SENP7: variants seen among roughly 807,000 people sequenced by gnomAD.
SENP7 encodes the protein SUMO specific peptidase 7.
Under a neutral mutation model 141.2 loss-of-function variants are expected in SENP7, and 64 were observed. The ratio of observed to expected loss-of-function variants is 0.45; its 90% CI spans 0.37 to 0.56. The LOEUF (loss-of-function observed/expected upper bound fraction) is 0.56, where lower values mean the gene tolerates loss of function less well. SENP7 is among the 20% of genes least tolerant of loss of function. SENP7 has a pLI of 0.00. For synonymous variants in SENP7, 382 were observed against 426.4 expected (o/e 0.90, Z 1.28); for missense variants, 1,025 against 1,212.2 (o/e 0.85, Z 2.29).
chr3:101,330,849 T>C (rs1383187628), intron 19 of SENP7, among the ~76,000 whole-genome samples: 1 of 152,230 alleles, frequency 6.6e-6, no homozygotes, highest in East Asian at 1.9e-4. Context: ...CCAGTATTAA[T>C]GCTAATGGCT....
intron 11 of SENP7, chr3:101,358,631 CT>C (rs1330585585): frequency 8.4e-5 from 14 of 165,914 alleles, no homozygotes; most frequent in East Asian, 3.6e-4. Context: ...ATTCTCAATT[CT>C]TTTTTTTTCT....
At chr3:101,337,979 C>A (rs1051860777) in intron 16 of SENP7, among the ~76,000 whole-genome samples, 3 of 151,870 alleles carry the variant, frequency 2.0e-5, no homozygotes, top group Non-Finnish European at 4.4e-5. Flanking sequence ...ATGGTGAAAC[C>A]CCGTCTCTAC....
chr3:101,408,631 C>T (rs899797251), intron 5 of SENP7, among the ~76,000 whole-genome samples: 2 of 152,088 alleles, frequency 1.3e-5, no homozygotes, highest in African/African-American at 2.4e-5. Flanking sequence ...GTTTAACATA[C>T]GTAAGTCAAT....
chr3:101,431,559 A>T (rs545906361), intron 4 of SENP7, among the ~76,000 whole-genome samples: 1 of 126,700 alleles, frequency 7.9e-6, no homozygotes. Context: ...AGATCTTCCT[A>T]CATCACTTGA....
intron 20 of SENP7, among the ~76,000 whole-genome samples, chr3:101,329,027 G>A (rs971991389): frequency 6.6e-6 from 1 of 152,096 alleles, no homozygotes; most frequent in African/African-American, 2.4e-5. Context: ...AATTTATGAT[G>A]TCAGTAGAGA....
At chr3:101,350,428 T>C (rs1307019889) in intron 12 of SENP7, among the ~76,000 whole-genome samples, 2 of 152,270 alleles carry the variant, frequency 1.3e-5, no homozygotes, top group East Asian at 3.9e-4. Flanking sequence ...TTTATATGCA[T>C]GCTTTGTTTT....
intron 4 of SENP7, among the ~76,000 whole-genome samples, chr3:101,418,651 T>A (rs2061693662): frequency 6.7e-6 from 1 of 150,360 alleles, no homozygotes; most frequent in South Asian, 2.1e-4. Flanking sequence ...CAGCAATATG[T>A]TCACATATTT....
intron 3 of SENP7, among the ~76,000 whole-genome samples, chr3:101,487,238 T>C (rs902508116): frequency 6.6e-6 from 1 of 152,104 alleles, no homozygotes; most frequent in Non-Finnish European, 1.5e-5. Flanking sequence ...AAAGACACAA[T>C]GGATTTAAAC....
Position 101,500,080 on chromosome 3 carries a change from T to C in SENP7, c.90+990A>G, listed in dbSNP as rs140088973. Among the ~76,000 whole-genome samples, 405 of 152,314 alleles carry C rather than the reference T, an allele frequency of 2.7e-3. 7 individuals carry two copies. Among genetic ancestry groups the C allele is most frequent in the Admixed American group, 0.024 (367 of 15,294 alleles). ...CTAAGGTACTCTTGATTTCCTCTCA[T>C]TGTCTTCCTTTATGACTTCTTCTCC... On this transcript the variant is annotated intron_variant, in intron 2 of 23. Transcript: ENST00000394095.
In SENP7 at chr3:101,325,911, GAGA is replaced by G. The variant is rs2058887353; in HGVS notation, c.*29_*31del. On this transcript the variant is annotated 3_prime_UTR_variant, in exon 24 of 24. Coordinates refer to ENST00000394095, the MANE Select transcript of SENP7 (RefSeq NM_020654.5). ...GGTAAGAGGCTTTCCAGTAATCTTA[GAGA>G]ACATCTGTGTCATGTTTGTACAGAT... 1 of 1,545,806 alleles carries G rather than the reference GAGA, an allele frequency of 6.5e-7. No homozygotes were observed. The highest frequency in any genetic ancestry group is 8.7e-7 in the Non-Finnish European group (1 of 1,148,066).
chr3:101,372,157 C>A, intron 6 of SENP7, 31 bp from the exon 7 acceptor site: 1 of 1,178,352 alleles, frequency 8.5e-7, no homozygotes, highest in East Asian at 2.6e-5. Context: ...ATACTCAATT[C>A]TAATAAAGCC....
chr3:101,500,988 G>T, intron 2 of SENP7, 82 bp downstream of exon 2: 1 of 959,946 alleles, frequency 1.0e-6, no homozygotes, highest in African/African-American at 1.7e-5. Flanking sequence ...TCTTTAAAAT[G>T]TTATTAAAAA....
At chr3:101,438,354 G>A (rs2062470656) in intron 4 of SENP7, among the ~76,000 whole-genome samples, 1 of 152,142 alleles carries the variant, frequency 6.6e-6, no homozygotes, top group South Asian at 2.1e-4. Context: ...TACTGTATGA[G>A]GTACTTTAAA....
intron 20 of SENP7, among the ~76,000 whole-genome samples, chr3:101,329,775 T>TA (rs762298259): frequency 0.14 from 13,611 of 100,386 alleles, 852 homozygotes; most frequent in Admixed American, 0.18. Context: ...CCATCTCTAC[T>TA]AAAAAAAAAA....
chr3:101,488,588 T>C (rs1444618465), intron 3 of SENP7, among the ~76,000 whole-genome samples: 1 of 152,172 alleles, frequency 6.6e-6, no homozygotes, highest in Non-Finnish European at 1.5e-5. Context: ...ATGCCTGCAA[T>C]CCCAGCACTT....
At chr3:101,429,225 T>A (rs2062072728) in intron 4 of SENP7, among the ~76,000 whole-genome samples, 1 of 152,198 alleles carries the variant, frequency 6.6e-6, no homozygotes, top group Non-Finnish European at 1.5e-5. Flanking sequence ...TCCAATTCTG[T>A]GAAGAAAGTC....
At chr3:101,483,891 G>A (rs2064611593) in intron 3 of SENP7, among the ~76,000 whole-genome samples, 1 of 152,098 alleles carries the variant, frequency 6.6e-6, no homozygotes, top group African/African-American at 2.4e-5. Flanking sequence ...GTCCAGACAT[G>A]GTGGCAGGTG....
chr3:101,348,421 G>A (rs1015827327), intron 12 of SENP7, among the ~76,000 whole-genome samples: 5 of 151,968 alleles, frequency 3.3e-5, no homozygotes, highest in East Asian at 1.9e-4. Context: ...TCTGATAATC[G>A]TTAGCAAAAA....
intron 4 of SENP7, among the ~76,000 whole-genome samples, chr3:101,418,587 C>T (rs1423886510): frequency 6.6e-6 from 1 of 151,786 alleles, no homozygotes; most frequent in African/African-American, 2.4e-5. Flanking sequence ...ACCTATGAAA[C>T]AGTTTTAGGC....
Sources: allele counts gnomAD v4.1 joint callset (sites outside exome capture counted in the v4.1 genomes callset), GRCh38; gene constraint gnomAD v4.1.1; transcripts MANE v1.5; gene names NCBI Gene and HGNC (gene_info 2026-07-23, HGNC 2026-07-21).